The following SYNE1 variants were observed in gnomAD, a reference collection of about 807,000 sequenced individuals.
SYNE1 encodes spectrin repeat containing nuclear envelope protein 1.
Under a neutral mutation model 1,111.0 loss-of-function variants are expected in SYNE1, and 616 were observed. That is an observed-to-expected ratio of 0.55 (90% CI 0.52 to 0.59). The LOEUF (loss-of-function observed/expected upper bound fraction) is 0.59, where lower values mean the gene tolerates loss of function less well. SYNE1 is among the 20% of genes least tolerant of loss of function. The pLI, the probability that SYNE1 is intolerant of heterozygous loss-of-function variation, is 0.00. For synonymous variants in SYNE1, 3,855 were observed against 3,825.8 expected, an observed-to-expected ratio of 1.01 and a Z score of -0.28; for missense variants, 10,006 against 10,417.0, an observed-to-expected ratio of 0.96 and a Z score of 1.72.
chr6:152,344,515 T>C (rs1044495288), intron 73 of SYNE1, among the ~76,000 whole-genome samples: 2 of 152,340 alleles, frequency 1.3e-5, no homozygotes, highest in South Asian at 4.1e-4. Flanking sequence ...CTAGAATACA[T>C]AAAATCATTG....
chr6:152,394,887 G>A (rs2097707286), intron 51 of SYNE1, among the ~76,000 whole-genome samples: 1 of 119,526 alleles, frequency 8.4e-6, no homozygotes, highest in Non-Finnish European at 1.8e-5. Flanking sequence ...CCGGATTCAA[G>A]CAATTCTGCC....
intron 4 of SYNE1, among the ~76,000 whole-genome samples, chr6:152,526,925 A>G (rs2099166331): frequency 6.6e-6 from 1 of 152,172 alleles, no homozygotes; most frequent in African/African-American, 2.4e-5. Flanking sequence ...AAAATACTCA[A>G]TATATGGGAA....
At chr6:152,363,822 C>G in intron 63 of SYNE1, 1 of 452,230 alleles carries the variant, frequency 2.2e-6, no homozygotes, top group Non-Finnish European at 4.4e-6. Context: ...GAGTTTGTCT[C>G]TAAATACTCC....
At chr6:152,376,148 A>C in intron 58 of SYNE1, 1 of 516,338 alleles carries the variant, frequency 1.9e-6, no homozygotes, top group Non-Finnish European at 3.5e-6. Context: ...TGCACAGTTC[A>C]CAATGGGGTT....
At position 152,281,941 on chromosome 6, in the gene SYNE1, G is replaced by T. The variant is rs1199886225; in HGVS notation, c.18247C>A (p.Gln6083Lys). The change falls in exon 97 of 146, where the codon CAG (glutamine) becomes AAG (lysine). Residue 6083 changes from glutamine (Q) to lysine (K), a missense_variant. Physicochemically the swap from Gln to Lys is moderately conservative, Grantham distance 53. This residue lies in a region of SYNE1 where 99 missense variants were observed against 147.8 expected (regional missense o/e 0.67). Coordinates refer to ENST00000367255, the MANE Select transcript of SYNE1 (RefSeq NM_182961.4). ...TCACAGCGATACCTCTGCAGGGCCT[G>T]TTCCTGCCTTTGTTCCTCCAGCTGA... Reference protein sequence around the residue: ...NDQLEEQRQEQALQRYRCEAD... With the variant: ...NDQLEEQRQEKALQRYRCEAD... The T allele has an allele frequency of 6.2e-7, 1 of 1,614,154 alleles. No individual in the cohort carries two copies. Among genetic ancestry groups the T allele is most frequent in the Non-Finnish European group, 8.5e-7 (1 of 1,180,038 alleles).
At chr6:152,428,672 G>A (rs1338444180) in intron 36 of SYNE1, among the ~76,000 whole-genome samples, 2 of 152,120 alleles carry the variant, frequency 1.3e-5, no homozygotes, top group African/African-American at 4.8e-5. Flanking sequence ...TATTTTAGGT[G>A]ATGAAGGTCC....
At chr6:152,546,033 A>G (rs2099311087) in intron 3 of SYNE1, 1 of 152,222 alleles carries the variant, frequency 6.6e-6, no homozygotes, top group South Asian at 2.1e-4. Context: ...CAAAGGGGAA[A>G]ACAACAGCAA....
At chr6:152,361,001 C>A (rs974148217) in intron 64 of SYNE1, among the ~76,000 whole-genome samples, 3 of 152,132 alleles carry the variant, frequency 2.0e-5, no homozygotes, top group Non-Finnish European at 2.9e-5. Context: ...AGCTTTGAAC[C>A]AAGGGCTATG....
chr6:152,515,545 C>A (rs2099107272), intron 6 of SYNE1, among the ~76,000 whole-genome samples: 1 of 152,226 alleles, frequency 6.6e-6, no homozygotes, highest in Non-Finnish European at 1.5e-5. Context: ...GATCACAGTT[C>A]TTGCAGTTCA....
At chr6:152,472,147 G>A (rs2098809375) in intron 15 of SYNE1, among the ~76,000 whole-genome samples, 154 bp downstream of exon 15, 1 of 152,016 alleles carries the variant, frequency 6.6e-6, no homozygotes, top group Non-Finnish European at 1.5e-5. Flanking sequence ...TTAGAATGGT[G>A]GCATTCTTAG....
intron 39 of SYNE1, among the ~76,000 whole-genome samples, chr6:152,421,636 C>G (rs555918254): frequency 3.8e-4 from 58 of 151,920 alleles, no homozygotes; most frequent in Non-Finnish European, 8.2e-4. Context: ...AGTTTCCAAA[C>G]TAAGGTTTTC....
chr6:152,344,307 A>G (rs562869779), intron 73 of SYNE1, 80 bp from the exon 74 acceptor site: 135 of 1,581,376 alleles, frequency 8.5e-5, no homozygotes, highest in Non-Finnish European at 9.3e-5. Flanking sequence ...ATGAAACATG[A>G]CCAGTACATC....
intron 106 of SYNE1, 54 bp downstream of exon 106, chr6:152,244,483 G>C (rs1714929527): frequency 2.5e-6 from 4 of 1,612,758 alleles, no homozygotes; most frequent in Non-Finnish European, 3.4e-6. Flanking sequence ...ATTTTTTCTA[G>C]ACTTCAAGTT....
intron 140 of SYNE1, among the ~76,000 whole-genome samples, chr6:152,137,263 ATAACGCTAGGCAATGACCTCATTAAG>A: frequency 6.6e-6 from 1 of 152,334 alleles, no homozygotes; most frequent in African/African-American, 2.4e-5. Context: ...GGAGGCAACA[ATAACGCTAGGCAATGACCTCATTAAG>A]GAGTATGATT....
chr6:152,511,900 AATGGACTTAC>A (rs1190793355), intron 6 of SYNE1, among the ~76,000 whole-genome samples: 1 of 152,150 alleles, frequency 6.6e-6, no homozygotes, highest in Non-Finnish European at 1.5e-5. Flanking sequence ...GTCCCAACAA[AATGGACTTAC>A]ATGGTTAAGT....
intron 3 of SYNE1, among the ~76,000 whole-genome samples, chr6:152,610,654 G>T (rs1335216724): frequency 1.3e-5 from 2 of 152,114 alleles, no homozygotes; most frequent in Non-Finnish European, 2.9e-5. Context: ...ACACCACAAA[G>T]ATACTCCTCG....
At chr6:152,600,380 A>AT (rs1009271424) in intron 3 of SYNE1, among the ~76,000 whole-genome samples, 2 of 152,088 alleles carry the variant, frequency 1.3e-5, no homozygotes, top group Admixed American at 1.3e-4. Flanking sequence ...AAGGGTGATA[A>AT]TTTTTTTTAA....
intron 130 of SYNE1, among the ~76,000 whole-genome samples, chr6:152,165,253 T>C (rs1439163716): frequency 2.0e-5 from 3 of 152,234 alleles, no homozygotes; most frequent in Admixed American, 2.0e-4. Flanking sequence ...AAATGTCTCA[T>C]AATCAAAGTA....
intron 62 of SYNE1, among the ~76,000 whole-genome samples, chr6:152,366,313 CAA>C (rs1436041984): frequency 2.6e-5 from 4 of 151,990 alleles, no homozygotes; most frequent in African/African-American, 9.7e-5. Context: ...GCCTGGGCAA[CAA>C]GAGCAAAACT....
Sources: gnomAD v4.1 joint callset for allele counts (sites outside exome capture counted in the v4.1 genomes callset) on GRCh38, gnomAD v4.1.1 for gene constraint, gnomAD v4.1.1 regional missense constraint, MANE v1.5 for transcripts, NCBI Gene and HGNC (gene_info 2026-07-23, HGNC 2026-07-21) for gene names.